Variants in GALNT2 observed in about 807,000 individuals in gnomAD.
GALNT2 encodes the protein polypeptide N-acetylgalactosaminyltransferase 2, also known as UDP-GalNAc:polypeptide N-acetylgalactosaminyltransferase 2.
A neutral mutation model predicts 81.4 loss-of-function variants in GALNT2; 31 were observed. The ratio of observed to expected loss-of-function variants is 0.38; its 90% CI spans 0.29 to 0.51. The LOEUF (loss-of-function observed/expected upper bound fraction) is 0.51. Ranked by LOEUF, GALNT2 falls within the 20% of genes least tolerant of loss-of-function variation. GALNT2 has a pLI of 0.87. For missense variants in GALNT2, 629 were observed against 765.7 expected (o/e 0.82, Z 2.11); for synonymous variants, 303 against 287.4 (o/e 1.05, Z -0.55).
chr1:230,107,819 T>G (rs1469088331), intron 1 of GALNT2, among the ~76,000 whole-genome samples: 1 of 151,870 alleles, frequency 6.6e-6, no homozygotes, highest in Non-Finnish European at 1.5e-5. Context: ...AAAATTAGAG[T>G]CAAGGGACTG....
chr1:230,096,181 GTGTCCTCT>G (rs1314891348), intron 1 of GALNT2, among the ~76,000 whole-genome samples: 1 of 152,194 alleles, frequency 6.6e-6, no homozygotes, highest in African/African-American at 2.4e-5. Flanking sequence ...CTGCATTTTG[GTGTCCTCT>G]TGCTAGCACC....
chr1:230,131,572 C>A (rs1202073664), intron 1 of GALNT2, among the ~76,000 whole-genome samples: 1 of 152,182 alleles, frequency 6.6e-6, no homozygotes. Context: ...ACTAGCCACC[C>A]AATTCTCCTT....
chr1:230,232,971 AAG>A (rs1174289315), intron 3 of GALNT2, among the ~76,000 whole-genome samples: 2 of 152,180 alleles, frequency 1.3e-5, no homozygotes, highest in Non-Finnish European at 2.9e-5. Context: ...ACTATAATAA[AAG>A]AAGCCCATTT....
chr1:230,238,590 G>A (rs142666527), intron 6 of GALNT2, among the ~76,000 whole-genome samples: 2 of 152,276 alleles, frequency 1.3e-5, no homozygotes, highest in African/African-American at 4.8e-5. Context: ...TGTTAATAAT[G>A]AGATAAATCT....
In GALNT2 at chr1:230,225,601, A is replaced by G. The variant is rs182542881; in HGVS notation, c.375-10413A>G. 9.9e-5 allele frequency among the ~76,000 whole-genome samples: 15 copies of G among 151,944 alleles called. No individual in the cohort carries two copies. In the East Asian group the frequency reaches 2.9e-3, roughly 29 times the overall value. ...AACACAGCGTGGGCTGGGCCACTTC[A>G]TGTATGGTGACCACAGGGGGTCAGA... On this transcript the variant is annotated intron_variant, in intron 3 of 15. Coordinates refer to ENST00000366672, the MANE Select transcript of GALNT2 (RefSeq NM_004481.5).
intron 1 of GALNT2, among the ~76,000 whole-genome samples, chr1:230,095,076 C>T (rs549952964): frequency 1.2e-4 from 18 of 152,222 alleles, no homozygotes; most frequent in African/African-American, 4.1e-4. Flanking sequence ...CATACGGTTC[C>T]TTTCTGTCTC....
intron 1 of GALNT2, among the ~76,000 whole-genome samples, chr1:230,099,891 T>C (rs1421013883): frequency 6.6e-6 from 1 of 152,246 alleles, no homozygotes; most frequent in Admixed American, 6.5e-5. Flanking sequence ...CATTATAGGA[T>C]TATGAGACCT....
chr1:230,256,785 T>G (rs6659947), intron 11 of GALNT2, among the ~76,000 whole-genome samples: 22,291 of 152,216 alleles, frequency 0.15, 1,809 homozygotes, highest in African/African-American at 0.22. Context: ...CTCTTGAGTG[T>G]AGACAGCAAA....
chr1:230,255,905 C>G (rs553066455), intron 11 of GALNT2, among the ~76,000 whole-genome samples: 33 of 152,312 alleles, frequency 2.2e-4, no homozygotes, highest in South Asian at 1.4e-3. Flanking sequence ...ATACCACAGA[C>G]TGGGTAATTT....
intron 2 of GALNT2, among the ~76,000 whole-genome samples, chr1:230,201,260 C>T (rs1663884194): frequency 2.0e-5 from 3 of 152,154 alleles, no homozygotes; most frequent in Admixed American, 2.0e-4. Context: ...GTGGTATCAT[C>T]GCTGTAGCCA....
chr1:230,115,773 A>G (rs1369422136), intron 1 of GALNT2, among the ~76,000 whole-genome samples: 3 of 152,230 alleles, frequency 2.0e-5, no homozygotes, highest in Non-Finnish European at 4.4e-5. Context: ...TTCTTTCAGA[A>G]TAGGAGTCAG....
intron 11 of GALNT2, chr1:230,262,341 C>T (rs924156849): frequency 7.7e-5 from 38 of 493,562 alleles, no homozygotes; most frequent in Non-Finnish European, 1.4e-5. Context: ...ATCTGTGTGA[C>T]AAGAAAGCCA....
intron 1 of GALNT2, among the ~76,000 whole-genome samples, chr1:230,142,507 C>T (rs1348343899): frequency 6.6e-6 from 1 of 152,170 alleles, no homozygotes; most frequent in Non-Finnish European, 1.5e-5. Context: ...CCTCTGTTTC[C>T]TCCTTTGTAA....
At chr1:230,106,867 A>G (rs1660559838) in intron 1 of GALNT2, among the ~76,000 whole-genome samples, 1 of 152,166 alleles carries the variant, frequency 6.6e-6, no homozygotes, top group South Asian at 2.1e-4. Context: ...TTCTGTTTAT[A>G]TGCACCGTGT....
At chr1:230,237,466 T>G (rs767930345) in intron 6 of GALNT2, among the ~76,000 whole-genome samples, 2 of 152,244 alleles carry the variant, frequency 1.3e-5, no homozygotes, top group Non-Finnish European at 2.9e-5. Flanking sequence ...TAAGTCTGAC[T>G]GTTGATCCAG....
chr1:230,146,830 G>A (rs979916938), intron 1 of GALNT2, among the ~76,000 whole-genome samples: 4 of 152,184 alleles, frequency 2.6e-5, no homozygotes, highest in South Asian at 2.1e-4. Flanking sequence ...TGGCGGGGAG[G>A]CGTTATGCTG....
chr1:230,227,545 ATGC>A (rs1222585754), intron 3 of GALNT2, among the ~76,000 whole-genome samples: 18 of 150,440 alleles, frequency 1.2e-4, no homozygotes, highest in African/African-American at 4.4e-4. Flanking sequence ...ATATATATAT[ATGC>A]TATATAATAC....
At chr1:230,120,753 A>G (rs1328626633) in intron 1 of GALNT2, among the ~76,000 whole-genome samples, 1 of 151,958 alleles carries the variant, frequency 6.6e-6, no homozygotes, top group Non-Finnish European at 1.5e-5. Context: ...CTCCGCACAC[A>G]CTAAATGCCC....
chr1:230,222,121 G>A (rs1664568735), intron 3 of GALNT2, among the ~76,000 whole-genome samples: 1 of 146,454 alleles, frequency 6.8e-6, no homozygotes, highest in Admixed American at 7.2e-5. Context: ...CTGCCTGCCG[G>A]GTTCACGCCA....
Sources: gnomAD v4.1 joint callset for allele counts (sites outside exome capture counted in the v4.1 genomes callset) on GRCh38, gnomAD v4.1.1 for gene constraint, MANE v1.5 for transcripts, NCBI Gene and HGNC (gene_info 2026-07-23, HGNC 2026-07-21) for gene names.